Variants in BBX observed in about 807,000 individuals in gnomAD.
The protein encoded by BBX is BBX high mobility group box domain containing, also known as HMG box transcription factor BBX.
A neutral mutation model predicts 100.2 loss-of-function variants in BBX; 30 were observed. The ratio of observed to expected loss-of-function variants is 0.30; its 90% CI spans 0.22 to 0.41. The LOEUF (loss-of-function observed/expected upper bound fraction) is 0.41, where lower values mean the gene tolerates loss of function less well. BBX is among the 10% of genes least tolerant of loss of function. BBX has a pLI of 1.00. For synonymous variants in BBX, 376 were observed against 388.1 expected (o/e 0.97, Z 0.37); for missense variants, 1,023 against 1,129.8 (o/e 0.91, Z 1.35).
chr3:107,779,205 G>A (rs937309515), intron 13 of BBX, among the ~76,000 whole-genome samples: 1 of 151,620 alleles, frequency 6.6e-6, no homozygotes, highest in African/African-American at 2.4e-5. Context: ...AAAGGGGATT[G>A]TAAGAGGGTG....
chr3:107,538,894 C>T (rs922317105), intron 2 of BBX, among the ~76,000 whole-genome samples: 4 of 152,028 alleles, frequency 2.6e-5, no homozygotes, highest in African/African-American at 9.7e-5. Flanking sequence ...AAGTGATCCT[C>T]TCGCCTTAGC....
intron 2 of BBX, among the ~76,000 whole-genome samples, chr3:107,582,645 G>C (rs1166997184): frequency 6.6e-6 from 1 of 151,934 alleles, no homozygotes; most frequent in African/African-American, 2.4e-5. Context: ...TAAATCTGTT[G>C]GCATATAAGA....
At chr3:107,547,222 G>A (rs2049306285) in intron 2 of BBX, among the ~76,000 whole-genome samples, 1 of 152,120 alleles carries the variant, frequency 6.6e-6, no homozygotes, top group Non-Finnish European at 1.5e-5. Context: ...GGCATAAATT[G>A]TAATTATACT....
chr3:107,634,194 A>G lies in BBX; in HGVS notation c.-83-11642A>G, dbSNP rs78663367. On this transcript the variant is annotated intron_variant, in intron 2 of 17. Transcript: ENST00000325805. ...ACAATGCTTACTTATGTCTGTGGGTATGCTTACATGCCACCTCGTCTTATT... is the reference window on the plus strand; with the variant it reads ...ACAATGCTTACTTATGTCTGTGGGTGTGCTTACATGCCACCTCGTCTTATT... 6.0e-3 allele frequency among the ~76,000 whole-genome samples: 919 copies of G among 152,346 alleles called. 11 individuals are homozygous for G. The highest frequency in any genetic ancestry group is 0.021 in the African/African-American group (877 of 41,578).
chr3:107,674,106 A>G (rs2059160939), intron 3 of BBX, among the ~76,000 whole-genome samples: 1 of 152,196 alleles, frequency 6.6e-6, no homozygotes, highest in Non-Finnish European at 1.5e-5. Flanking sequence ...TCAAGGGAAA[A>G]GAACGTGTCA....
intron 3 of BBX, among the ~76,000 whole-genome samples, chr3:107,665,437 A>G (rs1456615506): frequency 6.6e-6 from 1 of 152,104 alleles, no homozygotes; most frequent in Non-Finnish European, 1.5e-5. Context: ...TTCTAATTGA[A>G]ATGAAAAACG....
chr3:107,706,146 G>A (rs540451429), intron 3 of BBX, among the ~76,000 whole-genome samples: 10 of 149,854 alleles, frequency 6.7e-5, no homozygotes, highest in Admixed American at 1.3e-4. Context: ...CCCCAGCCTC[G>A]CGAGTAGCTG....
intron 2 of BBX, among the ~76,000 whole-genome samples, chr3:107,632,086 G>A (rs1385276007): frequency 6.6e-6 from 1 of 151,838 alleles, no homozygotes; most frequent in African/African-American, 2.4e-5. Flanking sequence ...TTTTGTTGTT[G>A]TTGTTGTTGA....
chr3:107,612,374 T>A (rs530121709), intron 2 of BBX, among the ~76,000 whole-genome samples: 1 of 152,282 alleles, frequency 6.6e-6, no homozygotes, highest in Non-Finnish European at 1.5e-5. Context: ...CTGTCCTCAT[T>A]AAGAAGGCTT....
At chr3:107,804,440 A>G (rs1379558361) in intron 17 of BBX, among the ~76,000 whole-genome samples, 2 of 152,182 alleles carry the variant, frequency 1.3e-5, no homozygotes, top group African/African-American at 2.4e-5. Context: ...ATTTTCTAGG[A>G]TTGGTAGGCC....
rs1252847170 is a variant in BBX, at chr3:107,632,296, G to A, written c.-83-13540G>A. Among the ~76,000 whole-genome samples the A allele has an allele frequency of 2.0e-5, 3 of 152,054 alleles. No homozygotes were observed. In the East Asian group the frequency reaches 5.8e-4, roughly 29 times the overall value. On this transcript the variant is annotated intron_variant, in intron 2 of 17. Transcript: ENST00000325805. ...GACAAGGCTTTACCAGGTTGGCCAG[G>A]CTGGTCTCAAACTCTTGACCTCAGA...
chr3:107,753,896 A>C (rs567311031), intron 9 of BBX, among the ~76,000 whole-genome samples: 3 of 152,336 alleles, frequency 2.0e-5, no homozygotes, highest in East Asian at 3.9e-4. Context: ...GTGTTTAAGT[A>C]ATTTTTGGAA....
At chr3:107,797,854 C>T (rs2069913018) in intron 15 of BBX, among the ~76,000 whole-genome samples, 1 of 152,192 alleles carries the variant, frequency 6.6e-6, no homozygotes, top group Admixed American at 6.5e-5. Flanking sequence ...AAACTAGCCT[C>T]TCCACAAGCC....
chr3:107,537,811 A>G (rs1243564370), intron 2 of BBX, among the ~76,000 whole-genome samples: 1 of 152,238 alleles, frequency 6.6e-6, no homozygotes, highest in Non-Finnish European at 1.5e-5. Context: ...AGTTTAGATT[A>G]AAACTTTGTT....
At chr3:107,756,429 T>C (rs577091440) in intron 10 of BBX, among the ~76,000 whole-genome samples, 1 of 152,276 alleles carries the variant, frequency 6.6e-6, no homozygotes, top group South Asian at 2.1e-4. Context: ...CAAAAATCTC[T>C]TACTAAATTT....
intron 10 of BBX, among the ~76,000 whole-genome samples, chr3:107,758,020 A>G (rs1020563926): frequency 3.3e-5 from 5 of 152,012 alleles, no homozygotes; most frequent in African/African-American, 1.2e-4. Flanking sequence ...TCTTATCCCC[A>G]CTCCAATCTC....
intron 9 of BBX, among the ~76,000 whole-genome samples, chr3:107,750,336 G>C (rs1304467433): frequency 6.6e-6 from 1 of 152,124 alleles, no homozygotes; most frequent in African/African-American, 2.4e-5. Flanking sequence ...ATTAGGAGTT[G>C]TTTCAAAATA....
At chr3:107,544,266 T>G (rs151328191) in intron 2 of BBX, among the ~76,000 whole-genome samples, 14 of 152,312 alleles carry the variant, frequency 9.2e-5, no homozygotes, top group African/African-American at 2.9e-4. Context: ...TTTGTGATAC[T>G]TTATTTCTAA....
intron 1 of BBX, chr3:107,524,453 C>T (rs1026295681): frequency 3.3e-5 from 5 of 151,946 alleles, no homozygotes; most frequent in African/African-American, 1.2e-4. Context: ...TTGTATGAAA[C>T]TTAACATAAC....
Sources: gnomAD v4.1 joint callset for allele counts (sites outside exome capture counted in the v4.1 genomes callset) on GRCh38, gnomAD v4.1.1 for gene constraint, MANE v1.5 for transcripts, NCBI Gene and HGNC (gene_info 2026-07-23, HGNC 2026-07-21) for gene names.